The following MGST1 variants were observed in gnomAD, a reference collection of about 807,000 sequenced individuals.
MGST1 encodes the protein microsomal glutathione S-transferase 1, also known as glutathione S-transferase 12.
Under a neutral mutation model 8.9 loss-of-function variants are expected in MGST1, and 5 were observed. The observed-to-expected ratio is 0.56, with a 90% confidence interval of 0.29 to 1.19. The LOEUF is 1.19. Ranked by LOEUF, MGST1 falls within the 50% of genes most tolerant of loss-of-function variation. MGST1 has a pLI of 0.08. For synonymous variants in MGST1, 54 were observed against 67.8 expected (o/e 0.80, Z 1.00); for missense variants, 182 against 187.4 (o/e 0.97, Z 0.17).
chr12:16,521,793 G>C (rs1941649702), intron 4 of MGST1, among the ~76,000 whole-genome samples: 1 of 152,110 alleles, frequency 6.6e-6, no homozygotes, highest in South Asian at 2.1e-4. Flanking sequence ...AGAAAGAAAA[G>C]TGAAAATACA....
At chr12:16,549,246 T>C (rs943808637) in intron 4 of MGST1, 1 of 152,128 alleles carries the variant, frequency 6.6e-6, no homozygotes, top group African/African-American at 2.4e-5. Context: ...ATGAAACAAG[T>C]GTAAGGCTCT....
intron 2 of MGST1, chr12:16,354,653 C>T (rs752436033): frequency 1.2e-4 from 27 of 216,624 alleles, no homozygotes; most frequent in Admixed American, 9.5e-4. Context: ...AAAGTTTTCA[C>T]GGAAACTTTC....
At chr12:16,592,571 C>G (rs1345876379), downstream of MGST1, among the ~76,000 whole-genome samples, 2 of 152,074 alleles carry the variant, frequency 1.3e-5, no homozygotes, top group South Asian at 2.1e-4. Context: ...CCATCCACTT[C>G]CCTTACTCCT....
chr12:16,382,532 G>A (rs948772533), upstream of MGST1, among the ~76,000 whole-genome samples: 24 of 152,274 alleles, frequency 1.6e-4, no homozygotes, highest in Middle Eastern at 0.01. Flanking sequence ...GCCGTGTGAG[G>A]TGTCAGTCCG....
intron 4 of MGST1, among the ~76,000 whole-genome samples, chr12:16,509,467 A>C: frequency 6.6e-6 from 1 of 152,244 alleles, no homozygotes; most frequent in Non-Finnish European, 1.5e-5. Flanking sequence ...AGAAGAGTTT[A>C]GTAAACACTA....
At chr12:16,465,708 T>C (rs1408391818) in intron 4 of MGST1, among the ~76,000 whole-genome samples, 3 of 152,222 alleles carry the variant, frequency 2.0e-5, no homozygotes, top group South Asian at 2.1e-4. Flanking sequence ...ATAATAGAAA[T>C]AAAGTTAGCA....
chr12:16,357,928 G>A (rs9332921), intron 3 of MGST1, among the ~76,000 whole-genome samples: 4,858 of 152,262 alleles, frequency 0.032, 242 homozygotes, highest in African/African-American at 0.11. Flanking sequence ...GGTTAATGAC[G>A]TTGCTGTATA....
intron 1 of MGST1, among the ~76,000 whole-genome samples, chr12:16,385,245 G>A (rs1382727887): frequency 1.3e-5 from 2 of 152,210 alleles, no homozygotes; most frequent in African/African-American, 2.4e-5. Context: ...ATCTTGAAAA[G>A]AGAAATTTTA....
rs1229449504 is a variant in MGST1, at chr12:16,576,924, ACTAT to A, written n.483-12599_483-12596del. Reference sequence around the variant, plus strand: ...CCACCCTCCCCACGTTCTTTCCTAAACTATCTATTTTAGAAATAACCCAATAAGG... The same window carrying A: ...CCACCCTCCCCACGTTCTTTCCTAAACTATTTTAGAAATAACCCAATAAGG... On this transcript the variant is annotated intron_variant and non_coding_transcript_variant, in intron 4 of 4. Transcript: ENST00000538857. The surrounding 1 kb of genome is among the most constrained non-coding windows in gnomAD (Gnocchi z 4.1). Among the ~76,000 whole-genome samples, 4 of 152,204 alleles carry A rather than the reference ACTAT, an allele frequency of 2.6e-5. No homozygotes were observed. The highest frequency in any genetic ancestry group is 5.9e-5 in the Non-Finnish European group (4 of 68,030).
chr12:16,353,864 A>G (rs1013471560), intron 1 of MGST1, among the ~76,000 whole-genome samples: 1 of 150,974 alleles, frequency 6.6e-6, no homozygotes, highest in Non-Finnish European at 1.5e-5. Flanking sequence ...GATTTAAGCA[A>G]TTCTCCTGCC....
At chr12:16,373,704 C>T (rs549194347) in intron 3 of MGST1, among the ~76,000 whole-genome samples, 32 of 152,042 alleles carry the variant, frequency 2.1e-4, no homozygotes, top group African/African-American at 7.5e-4. Flanking sequence ...TAACTGGTGC[C>T]AGAATTTAAT....
At chr12:16,540,257 G>A (rs1941784792) in intron 4 of MGST1, among the ~76,000 whole-genome samples, 2 of 152,090 alleles carry the variant, frequency 1.3e-5, no homozygotes, top group Admixed American at 1.3e-4. Flanking sequence ...TCCTGGATTT[G>A]CACAGTGATT....
intron 4 of MGST1, among the ~76,000 whole-genome samples, chr12:16,471,510 T>G (rs1402753194): frequency 6.6e-6 from 1 of 152,224 alleles, no homozygotes; most frequent in Non-Finnish European, 1.5e-5. Flanking sequence ...CTTATGGGAC[T>G]AACACTCAGG....
At chr12:16,490,910 A>G (rs1017750987) in intron 4 of MGST1, among the ~76,000 whole-genome samples, 2 of 152,204 alleles carry the variant, frequency 1.3e-5, no homozygotes, top group Non-Finnish European at 2.9e-5. Context: ...AAGTACTTTC[A>G]AGATCTGAAT....
intron 4 of MGST1, among the ~76,000 whole-genome samples, chr12:16,581,288 G>A (rs927892721): frequency 2.0e-5 from 3 of 152,122 alleles, no homozygotes; most frequent in Non-Finnish European, 4.4e-5. Context: ...TTGAATCCTA[G>A]CTCCATCACT....
chr12:16,486,277 A>G (rs1375288714), intron 4 of MGST1, among the ~76,000 whole-genome samples: 4 of 152,220 alleles, frequency 2.6e-5, no homozygotes, highest in South Asian at 2.1e-4. Flanking sequence ...TGTAAGTTTC[A>G]TCAGCTAAGG....
At chr12:16,473,052 A>G (rs1941298328) in intron 4 of MGST1, among the ~76,000 whole-genome samples, 1 of 152,230 alleles carries the variant, frequency 6.6e-6, no homozygotes, top group Non-Finnish European at 1.5e-5. Flanking sequence ...TATCAAAAAT[A>G]AAGCTTGGCA....
In MGST1 at chr12:16,523,233, C is replaced by T. The variant is rs11056981; in HGVS notation, n.483-66295C>T. 8.4e-3 allele frequency among the ~76,000 whole-genome samples: 1,280 copies of T among 152,122 alleles called. 48 individuals carry two copies. The East Asian group carries it at 0.14, about 16-fold the overall frequency. On this transcript the variant is annotated intron_variant and non_coding_transcript_variant, in intron 4 of 4. Coordinates refer to the MGST1 transcript ENST00000538857. ...TAGAGAAATGTTATTCCTGCTATCA[C>T]GAAAAGAGCCCTGGACCAAGTCTTA...
downstream of MGST1, among the ~76,000 whole-genome samples, chr12:16,591,215 A>G (rs2137623138): frequency 6.6e-6 from 1 of 152,028 alleles, no homozygotes; most frequent in Non-Finnish European, 1.5e-5. The surrounding 1 kb of genome is among the most constrained non-coding windows in gnomAD (Gnocchi z 4.1). Flanking sequence ...CTGCACTAGT[A>G]TCTGTGATGT....
Sources: gnomAD v4.1 joint callset for allele counts (sites outside exome capture counted in the v4.1 genomes callset) on GRCh38, gnomAD v4.1.1 for gene constraint, Gnocchi (gnomAD v3.1) non-coding constraint, MANE v1.5 for transcripts, NCBI Gene and HGNC (gene_info 2026-07-23, HGNC 2026-07-21) for gene names.